Variants in TRAF6 observed in about 807,000 individuals in gnomAD.
TRAF6 encodes TNF receptor associated factor 6, also known as TNF receptor-associated factor 6.
A neutral mutation model predicts 48.4 loss-of-function variants in TRAF6; 10 were observed. The observed-to-expected ratio is 0.21, with a 90% confidence interval of 0.13 to 0.35. TRAF6 has a LOEUF of 0.35. Among genes scored for constraint, TRAF6 ranks in the 10% least tolerant of loss-of-function variants. TRAF6 has a pLI of 1.00. For synonymous variants in TRAF6, 186 were observed against 219.6 expected (o/e 0.85, Z 1.35); for missense variants, 397 against 661.0 (o/e 0.60, Z 4.38).
intron 1 of TRAF6, among the ~76,000 whole-genome samples, chr11:36,507,777 A>G (rs1215293093): frequency 7.1e-6 from 1 of 141,510 alleles, no homozygotes; most frequent in Non-Finnish European, 1.5e-5. Flanking sequence ...AACATATACA[A>G]ATATATGTAT....
Position 36,490,627 on chromosome 11 carries a change from G to T in TRAF6, c.780C>A (p.Arg260=), listed in dbSNP as rs1339317589. The T allele has an allele frequency of 6.2e-7, 1 of 1,610,222 alleles. No individual in the cohort carries two copies. Among genetic ancestry groups the T allele is most frequent in the Non-Finnish European group, 8.5e-7 (1 of 1,177,020 alleles). Residue 260 remains arginine, a synonymous_variant, in exon 7 of 7, where the codon CGC becomes CGA. Transcript: ENST00000526995. The surrounding 1 kb of genome is among the most constrained non-coding windows in gnomAD (Gnocchi z 6.4). ...GTGACTGGGTGTTCTCTTGTAGGTG[G>T]CGTGCCAAGTGATTCCTCTGCATCT... The part of the protein sequence containing the change: ...HEKMQRNHLA[R]HLQENTQSHM...
chr11:36,498,438 G>A lies in TRAF6; in HGVS notation c.447+52C>T, dbSNP rs965632146. On this transcript the variant is annotated intron_variant, in intron 3 of 6. Transcript: ENST00000526995. ...ATGGACACAGCAAAGTCCCTATTCT[G>A]TAGGAACTTCCTTTTATACATGTGC... The A allele has an allele frequency of 3.2e-6, 5 of 1,540,412 alleles. No individual in the cohort carries two copies. In the African/African-American group the frequency reaches 6.9e-5, roughly 21 times the overall value.
chr11:36,507,062 T>A (rs558480502), intron 1 of TRAF6, among the ~76,000 whole-genome samples: 1 of 151,034 alleles, frequency 6.6e-6, no homozygotes, highest in Non-Finnish European at 1.5e-5. Context: ...CAAAAAGTGC[T>A]TTGTATATAT....
At chr11:36,502,594 C>T (rs1267826240) in intron 1 of TRAF6, among the ~76,000 whole-genome samples, 1 of 152,036 alleles carries the variant, frequency 6.6e-6, no homozygotes, top group Non-Finnish European at 1.5e-5. Flanking sequence ...TTCACCAAAT[C>T]GAGGATTAAG....
intron 2 of TRAF6, among the ~76,000 whole-genome samples, chr11:36,499,694 G>A (rs1423290213): frequency 1.3e-5 from 2 of 152,160 alleles, no homozygotes; most frequent in South Asian, 4.1e-4. Flanking sequence ...AATTGAAACA[G>A]CAGACATTAT....
rs1197372770 is a variant in TRAF6, at chr11:36,487,517, GA to G, written c.*2320del. 1 of 152,180 alleles carries G rather than the reference GA, an allele frequency of 6.6e-6. No individual in the cohort carries two copies. Among genetic ancestry groups the G allele is most frequent in the African/African-American group, 2.4e-5 (1 of 41,432 alleles). The allele number at this position is 152,180 out of a possible 1,614,324, so 9.4% of individuals were successfully genotyped here. ...CCAGCTGATAGACACTAAATTAGAG[GA>G]AAGTATCAGTGTCAGCAAAGAGTAA... is the stretch of plus-strand genomic sequence containing the variant. On this transcript the variant is annotated 3_prime_UTR_variant, in exon 7 of 7. Transcript: ENST00000526995.
At chr11:36,507,821 A>G (rs1320437565) in intron 1 of TRAF6, among the ~76,000 whole-genome samples, 1 of 145,970 alleles carries the variant, frequency 6.9e-6, no homozygotes, top group Non-Finnish European at 1.5e-5. Context: ...ACATATATAC[A>G]TGTATTTTAT....
At position 36,486,245 on chromosome 11, in the gene TRAF6, G is replaced by C. The variant is rs531395299; in HGVS notation, c.*3593C>G. ...ATAGAGATGGGGTTTCACCATTTTGGCCAGGCTGGTCTCGAACTCCTGGCT... is the reference window on the plus strand; with the variant it reads ...ATAGAGATGGGGTTTCACCATTTTGCCCAGGCTGGTCTCGAACTCCTGGCT... On this transcript the variant is annotated 3_prime_UTR_variant, in exon 7 of 7. Transcript: ENST00000526995. 2.2e-3 allele frequency among the ~76,000 whole-genome samples: 328 copies of C among 152,162 alleles called. 1 individual carries two copies. The highest frequency in any genetic ancestry group is 3.8e-3 in the Non-Finnish European group (260 of 67,996).
In TRAF6 at chr11:36,485,357, A is replaced by AG. The variant is rs1306652632; in HGVS notation, c.*4480dup. 6.6e-6 allele frequency among the ~76,000 whole-genome samples: 1 copy of AG among 152,110 alleles called. No individual in the cohort carries two copies. The highest frequency in any genetic ancestry group is 2.4e-5 in the African/African-American group (1 of 41,388). On this transcript the variant is annotated 3_prime_UTR_variant, in exon 7 of 7. Coordinates refer to ENST00000526995, the MANE Select transcript of TRAF6 (RefSeq NM_004620.4). ...ACGTGCCAGGCACTGTGGTAAGAAG[A>AG]GGGGATTCAGCAGCAACCAGAACAC...
rs1244036685 is a variant in TRAF6, at chr11:36,510,033, C to T, written c.-23+15G>A. 1 of 152,352 alleles carries T rather than the reference C, an allele frequency of 6.6e-6. No homozygotes were observed. The highest frequency in any genetic ancestry group is 1.5e-5 in the Non-Finnish European group (1 of 68,208). The allele number at this position is 152,352 out of a possible 1,614,324, so 9.4% of individuals were successfully genotyped here. Reference sequence around the variant, plus strand: ...GGCGGCGGCCGCCAGGAGGAGGCGCCTGAAGGAGACTCACCGTTCTAGTGC... The same window carrying T: ...GGCGGCGGCCGCCAGGAGGAGGCGCTTGAAGGAGACTCACCGTTCTAGTGC... On this transcript the variant is annotated intron_variant, in intron 1 of 6. Coordinates refer to ENST00000526995, the MANE Select transcript of TRAF6 (RefSeq NM_004620.4).
At chr11:36,491,728 C>T (rs1228021883) in intron 6 of TRAF6, among the ~76,000 whole-genome samples, 1 of 152,208 alleles carries the variant, frequency 6.6e-6, no homozygotes, top group Non-Finnish European at 1.5e-5. Flanking sequence ...GCATACTTCT[C>T]TTTCCTGTAC....
chr11:36,485,665 G>A lies in TRAF6; in HGVS notation c.*4173C>T, dbSNP rs1028784554. On this transcript the variant is annotated 3_prime_UTR_variant, in exon 7 of 7. Coordinates refer to ENST00000526995, the MANE Select transcript of TRAF6 (RefSeq NM_004620.4). The stretch of plus-strand genomic sequence containing the variant: ...GGATTTTATGACCCGAATTTCCTGT[G>A]GGGAAAAAGCTTTAAAATATTACAC... Among the ~76,000 whole-genome samples, 15 of 152,032 alleles carry A rather than the reference G, an allele frequency of 9.9e-5. No individual in the cohort carries two copies. The highest frequency in any genetic ancestry group is 2.7e-4 in the African/African-American group (11 of 41,336).
At chr11:36,503,051 A>G (rs1039249618) in intron 1 of TRAF6, among the ~76,000 whole-genome samples, 4 of 152,332 alleles carry the variant, frequency 2.6e-5, no homozygotes, top group Middle Eastern at 6.8e-3. Flanking sequence ...CTAATAAGTA[A>G]CAGAGTTGGG....
chr11:36,509,476 G>C (rs1859869224), intron 1 of TRAF6, among the ~76,000 whole-genome samples: 1 of 151,868 alleles, frequency 6.6e-6, no homozygotes, highest in Admixed American at 6.6e-5. Context: ...GTTCAACAGG[G>C]AATCCAAAAA....
At position 36,489,560 on chromosome 11, in the gene TRAF6, C is replaced by T. The variant is rs895028639; in HGVS notation, c.*278G>A. ...ACCAGAGCAAAAGCCCAAGAAAGTA[C>T]AACAAAGAGGTATACTAACTGGCAA... On this transcript the variant is annotated 3_prime_UTR_variant, in exon 7 of 7. Transcript: ENST00000526995. 13 of 407,148 alleles carry T rather than the reference C, an allele frequency of 3.2e-5. No individual in the cohort carries two copies. Among genetic ancestry groups the T allele is most frequent in the African/African-American group, 2.4e-4 (12 of 49,980 alleles). The allele number at this position is 407,148 out of a possible 1,614,324, so 25.2% of individuals were successfully genotyped here.
At chr11:36,499,749 T>TA (rs1859691150) in intron 2 of TRAF6, among the ~76,000 whole-genome samples, 1 of 151,718 alleles carries the variant, frequency 6.6e-6, no homozygotes, top group African/African-American at 2.4e-5. Context: ...TGGATGTAGT[T>TA]ACTCTTAAAT....
intron 3 of TRAF6, 75 bp from the exon 4 acceptor site, chr11:36,497,341 A>G (rs916516388): frequency 1.4e-6 from 2 of 1,387,454 alleles, no homozygotes; most frequent in African/African-American, 2.9e-5. Context: ...CTAATCATAT[A>G]CTGTTCTCTT....
At position 36,497,101 on chromosome 11, in the gene TRAF6, T is replaced by C; in HGVS notation, c.606+7A>G. On this transcript the variant is annotated splice_region_variant and intron_variant, in intron 4 of 6. Transcript: ENST00000526995. ...AGTGAATTTAACAAATCCAAGTTAG[T>C]ACATGCCTCTTTATCTTCAAATGCC... 6.2e-7 allele frequency: 1 copy of C among 1,612,758 alleles called. No homozygotes were observed. Among genetic ancestry groups the C allele is most frequent in the Non-Finnish European group, 8.5e-7 (1 of 1,179,626 alleles).
intron 1 of TRAF6, among the ~76,000 whole-genome samples, chr11:36,504,608 T>C (rs965512788): frequency 2.6e-5 from 4 of 152,214 alleles, no homozygotes; most frequent in Non-Finnish European, 4.4e-5. Flanking sequence ...TCAACTTCTT[T>C]CAAACTCCTG....
Sources: allele counts gnomAD v4.1 joint callset (sites outside exome capture counted in the v4.1 genomes callset), GRCh38; gene constraint gnomAD v4.1.1; non-coding constraint Gnocchi (gnomAD v3.1); transcripts MANE v1.5; gene names NCBI Gene and HGNC (gene_info 2026-07-23, HGNC 2026-07-21).